The following NCAM1 variants were observed in gnomAD, a reference collection of about 807,000 sequenced individuals.
The protein encoded by NCAM1 is antigen recognized by monoclonal antibody 5.1H11.
Under a neutral mutation model 109.8 loss-of-function variants are expected in NCAM1, and 14 were observed. The ratio of observed to expected loss-of-function variants is 0.13; its 90% CI spans 0.08 to 0.20. The LOEUF is 0.20. Ranked by LOEUF, NCAM1 falls within the 10% of genes least tolerant of loss-of-function variation. The pLI is 1.00. For missense variants in NCAM1, 774 were observed against 1,109.9 expected, an observed-to-expected ratio of 0.70 and a Z score of 4.30; for synonymous variants, 418 against 442.9, an observed-to-expected ratio of 0.94 and a Z score of 0.70.
At chr11:112,969,525 A>G (rs1354441766) in intron 1 of NCAM1, among the ~76,000 whole-genome samples, 1 of 152,034 alleles carries the variant, frequency 6.6e-6, no homozygotes, top group Admixed American at 6.6e-5. Context: ...CTGTGGTCTG[A>G]AGGAACCGTC....
intron 1 of NCAM1, among the ~76,000 whole-genome samples, chr11:113,166,565 G>A (rs1942805637): frequency 6.6e-6 from 1 of 152,180 alleles, no homozygotes; most frequent in South Asian, 2.1e-4. Context: ...GAATATGAGA[G>A]GACATGGCAA....
At chr11:113,126,826 A>G (rs975398594) in intron 1 of NCAM1, among the ~76,000 whole-genome samples, 15 of 152,174 alleles carry the variant, frequency 9.9e-5, no homozygotes, top group Non-Finnish European at 2.1e-4. Context: ...AAACTCATCC[A>G]CTTTACAGGC....
At chr11:113,000,190 T>A (rs1366619628) in intron 1 of NCAM1, among the ~76,000 whole-genome samples, 7 of 152,194 alleles carry the variant, frequency 4.6e-5, no homozygotes, top group African/African-American at 1.7e-4. Flanking sequence ...ATTCTTTGAG[T>A]CTGTCTTATA....
chr11:113,111,583 C>T (rs1288386356), intron 1 of NCAM1, among the ~76,000 whole-genome samples: 2 of 152,112 alleles, frequency 1.3e-5, no homozygotes, highest in South Asian at 2.1e-4. Flanking sequence ...TCTTGATTGT[C>T]GTGTGGTTAT....
rs1443214739 is a variant in NCAM1 at position 112,963,224 on chromosome 11, C to G, written c.52+1560C>G. On this transcript the variant is annotated intron_variant, in intron 1 of 19. Transcript: ENST00000316851. This position sits in a 1 kb window ranked among gnomAD's most constrained non-coding sequence, Gnocchi z 4.6. ...CGCTCACTCACCGCCAAGAGAAACC[C>G]CGCCCTGCGGCCGGTCCCCCGCCTG... 6.6e-6 allele frequency: 1 copy of G among 152,512 alleles called. No homozygotes were observed. The highest frequency in any genetic ancestry group is 6.5e-5 in the Admixed American group (1 of 15,290). 9.4% of individuals were successfully genotyped at this position (152,512 alleles called of 1,614,324 possible). A position where few individuals can be genotyped will look rare whatever the true frequency, so the allele number is the denominator to read the frequency against.
chr11:113,182,597 G>C (rs1943367123), intron 1 of NCAM1, among the ~76,000 whole-genome samples: 1 of 152,196 alleles, frequency 6.6e-6, no homozygotes, highest in Non-Finnish European at 1.5e-5. Flanking sequence ...TTTCACCAAA[G>C]AAGAAAAGCT....
rs782292825 is a variant in NCAM1 at position 113,171,195 on chromosome 11, A to G, written c.53-31184A>G. Among the ~76,000 whole-genome samples, 12 of 152,346 alleles carry G rather than the reference A, an allele frequency of 7.9e-5. 1 individual carries two copies. The South Asian group carries it at 1.2e-3, about 16-fold the overall frequency. On this transcript the variant is annotated intron_variant, in intron 1 of 19. Transcript: ENST00000316851. ...CAAAGATGGAAACAGGTGTTCAGAG[A>G]CATTAAACAATTTGTGCCAAAGCAT...
chr11:113,232,913 G>A, intron 12 of NCAM1, 99 bp downstream of exon 12: 1 of 1,188,028 alleles, frequency 8.4e-7, no homozygotes, highest in South Asian at 1.3e-5. Context: ...ATATTGGGAA[G>A]AAGAAAGGGC....
intron 1 of NCAM1, among the ~76,000 whole-genome samples, chr11:112,991,147 G>T (rs1340209114): frequency 2.0e-5 from 3 of 152,124 alleles, no homozygotes; most frequent in African/African-American, 7.2e-5. Context: ...TAGGTGGCAT[G>T]GATTGGAACT....
intron 1 of NCAM1, among the ~76,000 whole-genome samples, chr11:113,199,674 C>T (rs1210113387): frequency 6.6e-6 from 1 of 150,914 alleles, no homozygotes; most frequent in East Asian, 1.9e-4. Context: ...AGGAGATATA[C>T]CTAATGCTAA....
At chr11:113,085,501 A>T (rs1280100307) in intron 1 of NCAM1, among the ~76,000 whole-genome samples, 7 of 152,082 alleles carry the variant, frequency 4.6e-5, no homozygotes, top group African/African-American at 1.7e-4. Context: ...TTATTCTCAA[A>T]CTTTTCTCCT....
intron 14 of NCAM1, among the ~76,000 whole-genome samples, chr11:113,239,103 T>C (rs1945254282): frequency 6.6e-6 from 1 of 152,246 alleles, no homozygotes; most frequent in Non-Finnish European, 1.5e-5. Flanking sequence ...TAATGGACTC[T>C]TGTTTTCAAG....
intron 1 of NCAM1, among the ~76,000 whole-genome samples, chr11:113,095,003 C>A (rs1366371619): frequency 6.6e-6 from 1 of 152,042 alleles, no homozygotes; most frequent in Non-Finnish European, 1.5e-5. Flanking sequence ...TTTTATATTT[C>A]TCTTATTCAA....
chr11:113,214,447 C>T lies in NCAM1; in HGVS notation c.995C>T (p.Ser332Phe). ...EEQVTLTCEA[S>F]GDPIPSITWR... The stretch of plus-strand genomic sequence containing the variant: ...CAGGTCACTCTTACCTGTGAAGCCT[C>T]CGGAGACCCCATTCCCTCCATCACC... The change falls in exon 8 of 20, where the codon TCC becomes TTC. Residue 332 changes from serine to phenylalanine, a missense_variant. Ser to Phe is a radical substitution (Grantham distance 155). Coordinates refer to ENST00000316851, the MANE Select transcript of NCAM1 (RefSeq NM_181351.5). 1 of 1,613,404 alleles carries T rather than the reference C, an allele frequency of 6.2e-7. No individual in the cohort carries two copies. Among genetic ancestry groups the T allele is most frequent in the Non-Finnish European group, 8.5e-7 (1 of 1,179,630 alleles).
At chr11:113,235,423 G>A in intron 14 of NCAM1, 1 of 748,816 alleles carries the variant, frequency 1.3e-6, no homozygotes, top group East Asian at 3.0e-5. Context: ...ACAGTGAAGG[G>A]GAAGGCACCA....
intron 1 of NCAM1, among the ~76,000 whole-genome samples, chr11:113,093,599 C>T (rs1380530536): frequency 6.6e-6 from 1 of 152,104 alleles, no homozygotes; most frequent in African/African-American, 2.4e-5. Flanking sequence ...GGAAGGCTTC[C>T]CTTTGAAAGT....
chr11:113,140,828 G>T (rs912650612), intron 1 of NCAM1, among the ~76,000 whole-genome samples: 1 of 152,014 alleles, frequency 6.6e-6, no homozygotes, highest in Admixed American at 6.5e-5. Flanking sequence ...AATACCTCAA[G>T]GCACAGTATA....
At chr11:113,226,872 T>C (rs1189895120) in intron 9 of NCAM1, among the ~76,000 whole-genome samples, 1 of 152,210 alleles carries the variant, frequency 6.6e-6, no homozygotes, top group African/African-American at 2.4e-5. Flanking sequence ...AAGAAGTTCT[T>C]TGAAACCAAT....
At chr11:113,064,046 C>T (rs1937814389) in intron 1 of NCAM1, among the ~76,000 whole-genome samples, 1 of 152,184 alleles carries the variant, frequency 6.6e-6, no homozygotes, top group African/African-American at 2.4e-5. Flanking sequence ...TCTATATGGA[C>T]AGGTTTTACA....
Sources: gnomAD v4.1 joint callset for allele counts (sites outside exome capture counted in the v4.1 genomes callset) on GRCh38, gnomAD v4.1.1 for gene constraint, Gnocchi (gnomAD v3.1) non-coding constraint, MANE v1.5 for transcripts, NCBI Gene and HGNC (gene_info 2026-07-23, HGNC 2026-07-21) for gene names.